Variants in MZT2B observed in about 807,000 individuals in gnomAD.
MZT2B encodes the protein mitotic-spindle organizing protein 2B.
Under a neutral mutation model 12.1 loss-of-function variants are expected in MZT2B, and 11 were observed. The ratio of observed to expected loss-of-function variants is 0.91; its 90% CI spans 0.57 to 1.50. MZT2B has a LOEUF of 1.50. Among genes scored for constraint, MZT2B ranks in the 40% most tolerant of loss-of-function variants. The probability of loss-of-function intolerance (pLI) is 0.00; values close to 1 mark genes in which losing one functional copy is unlikely to be tolerated. For synonymous variants in MZT2B, 85 were observed against 109.5 expected, an observed-to-expected ratio of 0.78 and a Z score of 1.40; for missense variants, 209 against 227.7, an observed-to-expected ratio of 0.92 and a Z score of 0.53.
downstream of MZT2B, chr2:130,194,588 A>G (rs1186781850): frequency 8.2e-7 from 1 of 1,224,910 alleles, no homozygotes; most frequent in East Asian, 2.5e-5. Flanking sequence ...ATCCATAATA[A>G]ACATGCAATA....
At chr2:130,194,079 A>T, downstream of MZT2B, 1 of 1,614,182 alleles carries the variant, frequency 6.2e-7, no homozygotes, top group Non-Finnish European at 8.5e-7. Flanking sequence ...TTGGTCTGGA[A>T]TTCCGTCAAG....
intron 2 of MZT2B, chr2:130,184,749 G>A (rs1689994380): frequency 2.0e-6 from 2 of 985,428 alleles, no homozygotes; most frequent in Non-Finnish European, 2.4e-6. Flanking sequence ...TCACTCCAGG[G>A]GATGTTGCTG....
chr2:130,195,256 T>C, downstream of MZT2B: 1 of 1,611,398 alleles, frequency 6.2e-7, no homozygotes, highest in South Asian at 1.1e-5. Context: ...GTACTGTGAA[T>C]TTTTAAGGCC....
Position 130,182,355 on chromosome 2 carries a change from C to A in MZT2B, c.73C>A (p.Leu25Met). The part of the protein sequence containing the change: ...PPGLEAARQK[L>M]ALRRKKVLST... ...GGGGCTGGAGGCGGCCCGGCAGAAG[C>A]TGGCGCTGCGGCGGAAGAAGGTGCT... Residue 25 changes from leucine (L) to methionine (M), a missense_variant, in exon 1 of 3, where the codon CTG (leucine) becomes ATG (methionine). Coordinates refer to ENST00000281871, the MANE Select transcript of MZT2B (RefSeq NM_025029.5). 6.5e-7 allele frequency: 1 copy of A among 1,537,746 alleles called. No individual in the cohort carries two copies. The highest frequency in any genetic ancestry group is 8.7e-7 in the Non-Finnish European group (1 of 1,146,764).
downstream of MZT2B, chr2:130,194,159 T>C (rs753902514): frequency 4.3e-6 from 7 of 1,613,686 alleles, no homozygotes; most frequent in African/African-American, 2.7e-5. Context: ...AATCAGGCGA[T>C]TGAGGTTGGT....
chr2:130,202,278 A>C, the MZT2B span: 394 of 1,276,846 alleles, frequency 3.1e-4, no homozygotes, highest in Middle Eastern at 4.3e-4. Flanking sequence ...TAGTTGCTAC[A>C]CAGAAAGGAA....
chr2:130,203,245 G>T, the MZT2B span, among the ~76,000 whole-genome samples: 4 of 152,140 alleles, frequency 2.6e-5, no homozygotes, highest in Non-Finnish European at 5.9e-5. Flanking sequence ...ATCATCTGTG[G>T]TATCATCCCC....
Position 130,190,325 on chromosome 2 carries a change from CTT to C in MZT2B, c.320-143_320-142del. The stretch of plus-strand genomic sequence containing the variant: ...TCTTTAGTGGTTCTGAGTCTCAGGA[CTT>C]GGGGCTGATGCAGGGCCTCTAGCTG... On this transcript the variant is annotated intron_variant, in intron 2 of 2. Transcript: ENST00000281871. 3.1e-6 allele frequency: 4 copies of C among 1,301,066 alleles called. No homozygotes were observed. In the South Asian group the frequency reaches 5.8e-5, roughly 19 times the overall value. 80.6% of individuals were successfully genotyped at this position (1,301,066 alleles called of 1,614,324 possible). A position where few individuals can be genotyped will look rare whatever the true frequency, so the allele number is the denominator to read the frequency against.
chr2:130,182,544 C>T, intron 1 of MZT2B, 83 bp from the exon 2 acceptor site: 1 of 1,556,608 alleles, frequency 6.4e-7, no homozygotes, highest in South Asian at 1.2e-5. Flanking sequence ...GGAGGAGCCC[C>T]CGCCCCCGTC....
rs555482859 is a variant in MZT2B at position 130,182,270 on chromosome 2, G to A, written c.-13G>A. On this transcript the variant is annotated 5_prime_UTR_variant, in exon 1 of 3. Coordinates refer to ENST00000281871, the MANE Select transcript of MZT2B (RefSeq NM_025029.5). Reference sequence around the variant, plus strand: ...GCGGCGGGGCGGAGCGCACCTTTCCGCGGGCCGCGGGGATGGCGGCGCAGG... The same window carrying A: ...GCGGCGGGGCGGAGCGCACCTTTCCACGGGCCGCGGGGATGGCGGCGCAGG... 1.4e-5 allele frequency: 18 copies of A among 1,297,598 alleles called. No individual in the cohort carries two copies. The East Asian group carries it at 5.8e-4, about 42-fold the overall frequency. 80.4% of individuals were successfully genotyped at this position (1,297,598 alleles called of 1,614,324 possible).
downstream of MZT2B, chr2:130,195,268 G>A (rs1457640782): frequency 1.2e-6 from 2 of 1,603,368 alleles, no homozygotes; most frequent in Admixed American, 1.7e-5. Flanking sequence ...TTTAAGGCCT[G>A]TACTCACCAA....
At chr2:130,193,416 C>T (rs568122400), downstream of MZT2B, among the ~76,000 whole-genome samples, 2 of 151,760 alleles carry the variant, frequency 1.3e-5, no homozygotes, top group South Asian at 2.1e-4. Flanking sequence ...CAAGACCAAC[C>T]TGTCCAACAT....
chr2:130,183,886 C>G (rs748483609), intron 2 of MZT2B: 2 of 1,550,608 alleles, frequency 1.3e-6, no homozygotes, highest in African/African-American at 1.4e-5. Flanking sequence ...CTCCACAGCC[C>G]GGCTGCCACA....
At chr2:130,183,231 C>T (rs902770081) in intron 2 of MZT2B, 24 of 275,894 alleles carry the variant, frequency 8.7e-5, no homozygotes, top group Non-Finnish European at 1.5e-4. Flanking sequence ...CGATCTCTGT[C>T]CTGTGGTATA....
chr2:130,198,949 G>A, the MZT2B span, among the ~76,000 whole-genome samples: 4 of 124,446 alleles, frequency 3.2e-5, 1 homozygote, highest in African/African-American at 1.1e-4. Context: ...GATGGCTAAC[G>A]CCTGCAATCC....
the MZT2B span, chr2:130,196,036 A>G: frequency 7.3e-7 from 1 of 1,362,352 alleles, no homozygotes; most frequent in Non-Finnish European, 9.8e-7. Context: ...CCATGGGCAT[A>G]TGCCTGTCTA....
chr2:130,188,444 A>T (rs997305068), intron 2 of MZT2B, among the ~76,000 whole-genome samples: 1 of 152,188 alleles, frequency 6.6e-6, no homozygotes, highest in African/African-American at 2.4e-5. Context: ...GACTAGAATT[A>T]TGGCAGTTTG....
chr2:130,193,351 G>A (rs1023732560), downstream of MZT2B, among the ~76,000 whole-genome samples: 11 of 152,132 alleles, frequency 7.2e-5, no homozygotes, highest in African/African-American at 2.7e-4. Context: ...GCTCACGACT[G>A]TAATCCCAGC....
chr2:130,200,507 A>G, the MZT2B span, among the ~76,000 whole-genome samples: 1 of 152,242 alleles, frequency 6.6e-6, no homozygotes, highest in Admixed American at 6.5e-5. Flanking sequence ...ATGCCTTTAA[A>G]CAGTCACCCC....
Sources: allele counts gnomAD v4.1 joint callset (sites outside exome capture counted in the v4.1 genomes callset), GRCh38; gene constraint gnomAD v4.1.1; transcripts MANE v1.5; gene names NCBI Gene and HGNC (gene_info 2026-07-23, HGNC 2026-07-21).